The following COPE variants were observed in gnomAD, a reference collection of about 807,000 sequenced individuals.
COPE encodes the protein coatomer subunit epsilon.
In COPE, 19 loss-of-function variants were observed where a neutral mutation model predicts 42.1. The ratio of observed to expected loss-of-function variants is 0.45; its 90% confidence interval spans 0.31 to 0.66. The LOEUF (loss-of-function observed/expected upper bound fraction) is 0.66, where lower values mean the gene tolerates loss of function less well. COPE is among the 30% of genes least tolerant of loss of function. The pLI, the probability that COPE is intolerant of heterozygous loss-of-function variation, is 0.05. For synonymous variants in COPE, 195 were observed against 181.3 expected, an observed-to-expected ratio of 1.08 and a Z score of -0.60; for missense variants, 402 against 416.1, an observed-to-expected ratio of 0.97 and a Z score of 0.30.
At chr19:18,914,502 T>C (rs975928190) in intron 1 of COPE, among the ~76,000 whole-genome samples, 11 of 151,686 alleles carry the variant, frequency 7.3e-5, no homozygotes, top group Admixed American at 1.3e-4. Context: ...GATCACGCCA[T>C]TGCACTCCAG....
At chr19:18,901,354 G>T (rs995476145) in intron 7 of COPE, among the ~76,000 whole-genome samples, 3 of 152,272 alleles carry the variant, frequency 2.0e-5, no homozygotes, top group Non-Finnish European at 4.4e-5. Context: ...CAGGTGGCAG[G>T]GAGGGGCAGG....
chr19:18,900,054 G>A, intron 8 of COPE, 107 bp from the exon 9 acceptor site: 1 of 931,642 alleles, frequency 1.1e-6, no homozygotes. Flanking sequence ...ACCCCAGGGG[G>A]CTCCTCACCC....
chr19:18,906,605 T>G, intron 4 of COPE: 11 of 194,678 alleles, frequency 5.7e-5, no homozygotes, highest in East Asian at 1.3e-4. Context: ...GGAGGGCCGG[T>G]ATGGGGGGCC....
intron 1 of COPE, among the ~76,000 whole-genome samples, chr19:18,916,084 CTG>C (rs1368933939): frequency 6.6e-6 from 1 of 152,180 alleles, no homozygotes; most frequent in Non-Finnish European, 1.5e-5. Context: ...ACTCGGGAGG[CTG>C]AGGCAGGAGA....
intron 1 of COPE, among the ~76,000 whole-genome samples, chr19:18,915,868 TGTCAGAAACCCAGAAAC>T (rs2056849697): frequency 6.6e-6 from 1 of 152,128 alleles, no homozygotes; most frequent in Admixed American, 6.5e-5. Context: ...AACTGGCAAA[TGTCAGAAACCCAGAAAC>T]GTCATGATGG....
intron 1 of COPE, among the ~76,000 whole-genome samples, chr19:18,918,983 TACTC>T (rs987441477): frequency 6.6e-6 from 1 of 152,204 alleles, no homozygotes; most frequent in Admixed American, 6.5e-5. Context: ...ACACCTCCCT[TACTC>T]AAAACACTTT....
At chr19:18,902,910 C>T (rs931827879) in intron 7 of COPE, among the ~76,000 whole-genome samples, 1 of 151,730 alleles carries the variant, frequency 6.6e-6, no homozygotes, top group Non-Finnish European at 1.5e-5. Context: ...CTCCTGTCCA[C>T]AGCACACTCT....
intron 4 of COPE, 24 bp from the exon 5 acceptor site, chr19:18,905,653 G>C: frequency 6.3e-7 from 1 of 1,583,098 alleles, no homozygotes; most frequent in South Asian, 1.1e-5. Context: ...CGAGGGGGCG[G>C]TCAGCGGGTC....
At chr19:18,913,641 GC>G (rs1236406650) in intron 1 of COPE, among the ~76,000 whole-genome samples, 1 of 152,168 alleles carries the variant, frequency 6.6e-6, no homozygotes, top group Non-Finnish European at 1.5e-5. Flanking sequence ...TTTGCATGCT[GC>G]CCCCGGAGGC....
At chr19:18,900,126 C>A (rs1030728135) in intron 8 of COPE, 179 bp from the exon 9 acceptor site, 11 of 576,356 alleles carry the variant, frequency 1.9e-5, no homozygotes, top group Admixed American at 3.4e-5. Context: ...ATGGGCCTGC[C>A]CCCTGGAGAG....
chr19:18,901,813 A>G (rs979801054), intron 7 of COPE, among the ~76,000 whole-genome samples: 2 of 152,186 alleles, frequency 1.3e-5, no homozygotes, highest in Non-Finnish European at 2.9e-5. Flanking sequence ...ACCGTTTCAA[A>G]AAACAAACAA....
In COPE at chr19:18,902,817, G is replaced by A. The variant is rs372303489; in HGVS notation, c.735+451C>T. 3.1e-3 allele frequency among the ~76,000 whole-genome samples: 93 copies of A among 29,842 alleles called. 24 individuals carry two copies. The highest frequency in any genetic ancestry group is 7.5e-3 in the African/African-American group (24 of 3,200). 19.6% of individuals were successfully genotyped at this position (29,842 alleles called of 152,430 possible). A position where few individuals can be genotyped will look rare whatever the true frequency, so the allele number is the denominator to read the frequency against. ...GGAAGGAAGGAAGGAAGGAAGGAAGGAAGGAAGGAAGAAAAGACTGCAGAC... is the reference window on the plus strand; with the variant it reads ...GGAAGGAAGGAAGGAAGGAAGGAAGAAAGGAAGGAAGAAAAGACTGCAGAC... On this transcript the variant is annotated intron_variant, in intron 7 of 9. Coordinates refer to ENST00000262812, the MANE Select transcript of COPE (RefSeq NM_007263.4).
chr19:18,902,010 C>A (rs1310128865), intron 7 of COPE, among the ~76,000 whole-genome samples: 1 of 151,938 alleles, frequency 6.6e-6, no homozygotes, highest in Non-Finnish European at 1.5e-5. Flanking sequence ...AAAACCCCAT[C>A]TCTACTAAAA....
chr19:18,900,844 G>C (rs559352662), intron 7 of COPE, among the ~76,000 whole-genome samples: 20 of 152,284 alleles, frequency 1.3e-4, no homozygotes, highest in African/African-American at 4.3e-4. Context: ...AGGAGACCTC[G>C]GCAGGGGACC....
rs1291938774 is a variant in COPE, at chr19:18,905,802, T to A, written c.444-173A>T. The A allele has an allele frequency of 6.5e-6, 4 of 619,156 alleles. No homozygotes were observed. The Admixed American group carries it at 1.4e-4, about 22-fold the overall frequency. 38.4% of individuals were successfully genotyped at this position (619,156 alleles called of 1,614,324 possible). On this transcript the variant is annotated intron_variant, in intron 4 of 9. Coordinates refer to ENST00000262812, the MANE Select transcript of COPE (RefSeq NM_007263.4). Reference sequence around the variant, plus strand: ...TCACTCCCACATTTCACCGCTCAGCTTCCTCAGGCCCAGGAGCTCTGGGGG... The same window carrying A: ...TCACTCCCACATTTCACCGCTCAGCATCCTCAGGCCCAGGAGCTCTGGGGG...
intron 6 of COPE, 87 bp downstream of exon 6, chr19:18,904,684 A>C: frequency 2.5e-6 from 3 of 1,197,996 alleles, no homozygotes; most frequent in Non-Finnish European, 3.6e-6. Flanking sequence ...TGGAGTGGCC[A>C]GCAGCCTACG....
intron 6 of COPE, 88 bp from the exon 7 acceptor site, chr19:18,903,511 G>A (rs1383636032): frequency 2.3e-5 from 33 of 1,434,386 alleles, no homozygotes; most frequent in Non-Finnish European, 3.1e-5. Flanking sequence ...GGGGACTCCA[G>A]CACTGCACAG....
At chr19:18,905,003 G>C in intron 5 of COPE, 151 bp from the exon 6 acceptor site, 5 of 784,708 alleles carry the variant, frequency 6.4e-6, no homozygotes, top group Non-Finnish European at 1.0e-5. Context: ...CTAAGTGCCC[G>C]AGCCACCCTG....
chr19:18,899,642 G>A lies in COPE; in HGVS notation c.*37C>T, dbSNP rs2056676093. ...GCTGCAGGGCTGGCTCCTGGCCTCTGTCCTGGCTTCATGGTCCTGACAGCT... is the reference window on the plus strand; with the variant it reads ...GCTGCAGGGCTGGCTCCTGGCCTCTATCCTGGCTTCATGGTCCTGACAGCT... On this transcript the variant is annotated 3_prime_UTR_variant, in exon 10 of 10. Transcript: ENST00000262812. 1.2e-6 allele frequency: 2 copies of A among 1,612,594 alleles called. No individual in the cohort carries two copies. The highest frequency in any genetic ancestry group is 1.7e-6 in the Non-Finnish European group (2 of 1,179,412).
Sources: gnomAD v4.1 joint callset for allele counts (sites outside exome capture counted in the v4.1 genomes callset) on GRCh38, gnomAD v4.1.1 for gene constraint, MANE v1.5 for transcripts, NCBI Gene and HGNC (gene_info 2026-07-23, HGNC 2026-07-21) for gene names.